MINDY2: variants seen among roughly 807,000 people sequenced by gnomAD.
MINDY2 encodes ubiquitin carboxyl-terminal hydrolase MINDY-2.
Under a neutral mutation model 68.2 loss-of-function variants are expected in MINDY2, and 52 were observed. That is an observed-to-expected ratio of 0.76 (90% CI 0.61 to 0.96). The LOEUF is 0.96. Among genes scored for constraint, MINDY2 ranks in the 40% least tolerant of loss-of-function variants. The pLI, the probability that MINDY2 is intolerant of heterozygous loss-of-function variation, is 0.00. For synonymous variants in MINDY2, 372 were observed against 303.0 expected (o/e 1.23, Z -2.36); for missense variants, 881 against 773.4 (o/e 1.14, Z -1.65).
chr15:58,853,819 TAAAAAAAAA>T (rs10563818), intron 8 of MINDY2, among the ~76,000 whole-genome samples: 8 of 102,204 alleles, frequency 7.8e-5, no homozygotes, highest in African/African-American at 3.0e-4. Flanking sequence ...TCCATCTCAA[TAAAAAAAAA>T]AAAAAAAAAA....
chr15:58,859,075 T>C lies in MINDY2; in HGVS notation c.*4465T>C, dbSNP rs1192388021. 1 of 152,100 alleles carries C rather than the reference T, an allele frequency of 6.6e-6. No homozygotes were observed. The highest frequency in any genetic ancestry group is 1.5e-5 in the Non-Finnish European group (1 of 67,950). The allele number at this position is 152,100 out of a possible 1,614,324, so 9.4% of individuals were successfully genotyped here. A position where few individuals can be genotyped will look rare whatever the true frequency, so the allele number is the denominator to read the frequency against. ...ACACTTTTTTCTCAATAACAAAATATATCTTAAGTCAGTTTTTTTAATGCT... is the reference window on the plus strand; with the variant it reads ...ACACTTTTTTCTCAATAACAAAATACATCTTAAGTCAGTTTTTTTAATGCT... On this transcript the variant is annotated 3_prime_UTR_variant, in exon 9 of 9. Coordinates refer to ENST00000559228, the MANE Select transcript of MINDY2 (RefSeq NM_001040450.3).
At chr15:58,798,630 A>G (rs531731024) in intron 2 of MINDY2, among the ~76,000 whole-genome samples, 1 of 151,458 alleles carries the variant, frequency 6.6e-6, no homozygotes, top group South Asian at 2.1e-4. Flanking sequence ...TAATTTTTGT[A>G]TTTTTAGTAG....
At chr15:58,780,764 C>T (rs1901082925) in intron 1 of MINDY2, among the ~76,000 whole-genome samples, 2 of 152,150 alleles carry the variant, frequency 1.3e-5, no homozygotes, top group African/African-American at 2.4e-5. Flanking sequence ...GGTGAATCAG[C>T]TGGCCTTTCC....
At chr15:58,850,773 A>G (rs2032770622) in intron 7 of MINDY2, among the ~76,000 whole-genome samples, 1 of 151,908 alleles carries the variant, frequency 6.6e-6, no homozygotes, top group Admixed American at 6.6e-5. Context: ...TTTTTGCAGA[A>G]ACAGAGTTTT....
chr15:58,799,350 G>C (rs1032605149), intron 2 of MINDY2, among the ~76,000 whole-genome samples: 3 of 152,118 alleles, frequency 2.0e-5, no homozygotes, highest in Non-Finnish European at 4.4e-5. Flanking sequence ...GGCGGATCAC[G>C]AGGTCGGGAG....
At chr15:58,775,570 A>G (rs1204942581) in intron 1 of MINDY2, among the ~76,000 whole-genome samples, 1 of 152,174 alleles carries the variant, frequency 6.6e-6, no homozygotes, top group African/African-American at 2.4e-5. Flanking sequence ...TTGGTTAGAG[A>G]GTTCTTTGTC....
In MINDY2 at chr15:58,771,347, G is replaced by C; in HGVS notation, c.-49G>C. 1 of 1,562,360 alleles carries C rather than the reference G, an allele frequency of 6.4e-7. No homozygotes were observed. On this transcript the variant is annotated 5_prime_UTR_variant, in exon 1 of 9. Coordinates refer to ENST00000559228, the MANE Select transcript of MINDY2 (RefSeq NM_001040450.3). ...TGTCATGGCGTCCAAGGCGCTGGCT[G>C]CGGAGAAGTGGCCGCGGTCTCCATA...
At chr15:58,819,447 AC>A (rs1209340859) in intron 4 of MINDY2, among the ~76,000 whole-genome samples, 4 of 152,154 alleles carry the variant, frequency 2.6e-5, no homozygotes, top group African/African-American at 9.7e-5. Context: ...GACCCAGATC[AC>A]ACCACTGCAC....
At chr15:58,784,224 G>A (rs1214074258) in intron 1 of MINDY2, among the ~76,000 whole-genome samples, 10 of 151,958 alleles carry the variant, frequency 6.6e-5, no homozygotes. Context: ...TACTTGGGAG[G>A]CTCAGGTGGG....
In MINDY2 at chr15:58,857,766, T is replaced by C. The variant is rs2033108174; in HGVS notation, c.*3156T>C. On this transcript the variant is annotated 3_prime_UTR_variant, in exon 9 of 9. Transcript: ENST00000559228. The stretch of plus-strand genomic sequence containing the variant: ...ATTTTTGTTTTTATCATTTATAGCC[T>C]AGATTAGGGACATATTTGCATCAAC... The C allele has an allele frequency of 6.6e-6, 1 of 152,170 alleles. No individual in the cohort carries two copies. Among genetic ancestry groups the C allele is most frequent in the African/African-American group, 2.4e-5 (1 of 41,450 alleles). 9.4% of individuals were successfully genotyped at this position (152,170 alleles called of 1,614,324 possible).
chr15:58,787,609 T>C (rs367893768), intron 1 of MINDY2, among the ~76,000 whole-genome samples: 3 of 151,666 alleles, frequency 2.0e-5, no homozygotes, highest in South Asian at 2.1e-4. Context: ...TGGTGGTGGG[T>C]GCCTGTAGTC....
At chr15:58,833,354 T>C (rs1156796357) in intron 6 of MINDY2, among the ~76,000 whole-genome samples, 1 of 152,172 alleles carries the variant, frequency 6.6e-6, no homozygotes, top group Admixed American at 6.5e-5. Flanking sequence ...AAGGAGTGGG[T>C]TGCCCCTCCA....
At chr15:58,849,279 G>A (rs1443115477) in intron 7 of MINDY2, among the ~76,000 whole-genome samples, 1 of 151,530 alleles carries the variant, frequency 6.6e-6, no homozygotes, top group Non-Finnish European at 1.5e-5. Context: ...AAGGCGGGCC[G>A]ATCACGAGGT....
In MINDY2 at chr15:58,857,557, T is replaced by TAAAA. The variant is rs1567083263; in HGVS notation, c.*2948_*2949insAAAA. On this transcript the variant is annotated 3_prime_UTR_variant, in exon 9 of 9. Transcript: ENST00000559228. Reference sequence around the variant, plus strand: ...TCAAAAAAAAAAAAAAAAAAAAAATTAGAGCTATTGTGTCTTTATTTTCTT... The same window carrying TAAAA: ...TCAAAAAAAAAAAAAAAAAAAAAATTAAAAAGAGCTATTGTGTCTTTATTTTCTT... 8.9e-6 allele frequency: 1 copy of TAAAA among 112,506 alleles called. No individual in the cohort carries two copies. Among genetic ancestry groups the TAAAA allele is most frequent in the Non-Finnish European group, 2.0e-5 (1 of 50,468 alleles). 7.0% of individuals were successfully genotyped at this position (112,506 alleles called of 1,614,324 possible).
intron 1 of MINDY2, among the ~76,000 whole-genome samples, chr15:58,783,675 C>G (rs921256120): frequency 1.3e-5 from 2 of 152,080 alleles, no homozygotes; most frequent in African/African-American, 4.8e-5. Context: ...GGCTTACACC[C>G]GTAATCCCAG....
intron 6 of MINDY2, among the ~76,000 whole-genome samples, chr15:58,838,611 G>A (rs1188058414): frequency 1.0e-5 from 1 of 99,202 alleles, no homozygotes; most frequent in Admixed American, 1.3e-4. Context: ...TTTTGAGATG[G>A]AGTCTCACTC....
intron 3 of MINDY2, among the ~76,000 whole-genome samples, chr15:58,803,338 C>T (rs921759401): frequency 2.0e-5 from 3 of 151,582 alleles, no homozygotes; most frequent in Non-Finnish European, 2.9e-5. Context: ...CATGGTGATG[C>T]GCGCCTGTAG....
chr15:58,858,962 T>C lies in MINDY2; in HGVS notation c.*4352T>C, dbSNP rs1440260525. 1 of 152,152 alleles carries C rather than the reference T, an allele frequency of 6.6e-6. No individual in the cohort carries two copies. Among genetic ancestry groups the C allele is most frequent in the Non-Finnish European group, 1.5e-5 (1 of 67,974 alleles). The allele number at this position is 152,152 out of a possible 1,614,324, so 9.4% of individuals were successfully genotyped here. ...AGGATGCTCTTTTTGATTAAGTGTTTTGCACTCCTGAATAAAGGGCATAGT... is the reference window on the plus strand; with the variant it reads ...AGGATGCTCTTTTTGATTAAGTGTTCTGCACTCCTGAATAAAGGGCATAGT... On this transcript the variant is annotated 3_prime_UTR_variant, in exon 9 of 9. Coordinates refer to ENST00000559228, the MANE Select transcript of MINDY2 (RefSeq NM_001040450.3).
At chr15:58,779,893 C>T (rs768592897) in intron 1 of MINDY2, among the ~76,000 whole-genome samples, 2 of 152,148 alleles carry the variant, frequency 1.3e-5, no homozygotes, top group Non-Finnish European at 2.9e-5. Context: ...CCTTCTCACT[C>T]CCCATTCAAC....
Sources: allele counts gnomAD v4.1 joint callset (sites outside exome capture counted in the v4.1 genomes callset), GRCh38; gene constraint gnomAD v4.1.1; transcripts MANE v1.5; gene names NCBI Gene and HGNC (gene_info 2026-07-23, HGNC 2026-07-21).